Variants in CREB5 observed in about 807,000 individuals in gnomAD.
CREB5 encodes cAMP responsive element binding protein 5, also known as cyclic AMP-responsive element-binding protein 5.
A neutral mutation model predicts 57.1 loss-of-function variants in CREB5; 19 were observed. The observed-to-expected ratio is 0.33, with a 90% confidence interval of 0.23 to 0.49. The LOEUF (loss-of-function observed/expected upper bound fraction) is 0.49, where lower values mean the gene tolerates loss of function less well. Among genes scored for constraint, CREB5 ranks in the 20% least tolerant of loss-of-function variants. The pLI is 0.99. For synonymous variants in CREB5, 238 were observed against 238.3 expected (o/e 1.00, Z 0.01); for missense variants, 579 against 671.6 (o/e 0.86, Z 1.52).
At chr7:28,518,088 C>A (rs570087790) in intron 4 of CREB5, among the ~76,000 whole-genome samples, 1 of 152,134 alleles carries the variant, frequency 6.6e-6, no homozygotes, top group South Asian at 2.1e-4. Flanking sequence ...CTTCCCAGTC[C>A]TCTCTGTAAA....
At chr7:28,602,620 A>T (rs1347607996) in intron 5 of CREB5, among the ~76,000 whole-genome samples, 1 of 152,212 alleles carries the variant, frequency 6.6e-6, no homozygotes, top group African/African-American at 2.4e-5. Flanking sequence ...AAAAGATTAT[A>T]TGCTATATGA....
intron 3 of CREB5, among the ~76,000 whole-genome samples, chr7:28,501,553 T>C (rs534119663): frequency 5.4e-4 from 83 of 152,300 alleles, no homozygotes; most frequent in Non-Finnish European, 1.0e-3. Context: ...TGGAAACCAG[T>C]CCCCTTTGAC....
chr7:28,649,390 T>G (rs1450046405), intron 5 of CREB5, among the ~76,000 whole-genome samples: 1 of 152,232 alleles, frequency 6.6e-6, no homozygotes, highest in African/African-American at 2.4e-5. Context: ...TATCCACAAA[T>G]AAAGTTTTAT....
intron 5 of CREB5, among the ~76,000 whole-genome samples, chr7:28,679,543 T>G (rs1800488827): frequency 6.6e-6 from 1 of 152,164 alleles, no homozygotes; most frequent in Non-Finnish European, 1.5e-5. Flanking sequence ...CCGAGGGAAG[T>G]GGCCTTCTAC....
intron 1 of CREB5, among the ~76,000 whole-genome samples, chr7:28,321,003 C>T (rs895333325): frequency 4.6e-5 from 7 of 152,198 alleles, no homozygotes; most frequent in African/African-American, 1.7e-4. Flanking sequence ...CTGCCACTGA[C>T]TACCTGGGAA....
chr7:28,775,543 C>CAT (rs56224961), intron 7 of CREB5, among the ~76,000 whole-genome samples: 6,232 of 120,536 alleles, frequency 0.052, 342 homozygotes, highest in Non-Finnish European at 0.054. Flanking sequence ...ATTCCTTAGC[C>CAT]ATATATATAT....
intron 5 of CREB5, among the ~76,000 whole-genome samples, chr7:28,620,366 C>T (rs1295791651): frequency 1.3e-5 from 2 of 152,086 alleles, no homozygotes; most frequent in Admixed American, 6.5e-5. Flanking sequence ...GCCACTCATA[C>T]CTAGTGTCTC....
intron 1 of CREB5, among the ~76,000 whole-genome samples, chr7:28,385,975 T>G (rs978322053): frequency 6.6e-6 from 1 of 152,304 alleles, no homozygotes. Context: ...TATATGTATA[T>G]AAATAGACTT....
chr7:28,385,278 T>G (rs1245975684), intron 1 of CREB5, among the ~76,000 whole-genome samples: 1 of 152,172 alleles, frequency 6.6e-6, no homozygotes, highest in Non-Finnish European at 1.5e-5. Flanking sequence ...AAAAAAAGAA[T>G]CTTGCTCGTA....
At chr7:28,431,581 G>T (rs1788716045) in intron 1 of CREB5, among the ~76,000 whole-genome samples, 1 of 152,050 alleles carries the variant, frequency 6.6e-6, no homozygotes, top group Non-Finnish European at 1.5e-5. Flanking sequence ...AATATTGGAG[G>T]TAAACAAAGG....
In CREB5 at chr7:28,670,408, A is replaced by G. The variant is rs540817493; in HGVS notation, c.465-48345A>G. On this transcript the variant is annotated intron_variant, in intron 5 of 10. Transcript: ENST00000357727. Reference sequence around the variant, plus strand: ...AAGCTGTGAATAAGGCAGGGCTACTATATTTGAGCTCATTGCCTTTTAGTC... The same window carrying G: ...AAGCTGTGAATAAGGCAGGGCTACTGTATTTGAGCTCATTGCCTTTTAGTC... 1.5e-4 allele frequency among the ~76,000 whole-genome samples: 23 copies of G among 152,332 alleles called. No homozygotes were observed. The South Asian group carries it at 2.9e-3, about 19-fold the overall frequency.
intron 4 of CREB5, among the ~76,000 whole-genome samples, chr7:28,560,949 T>TGCGCGCGTGCGTGC (rs1210698880): frequency 2.9e-5 from 1 of 34,774 alleles, no homozygotes. Flanking sequence ...TGCGTGTGTG[T>TGCGCGCGTGCGTGC]GCGTGTGTGT....
Position 28,498,682 on chromosome 7 carries a change from A to T in CREB5, c.169+3683A>T, listed in dbSNP as rs1021209054. Among the ~76,000 whole-genome samples the T allele has an allele frequency of 2.4e-4, 36 of 152,278 alleles. 1 individual carries two copies. The highest frequency in any genetic ancestry group is 8.4e-4 in the African/African-American group (35 of 41,556). On this transcript the variant is annotated intron_variant, in intron 3 of 10. Transcript: ENST00000357727. ...AGAATAAGCCCTATCTTCTGGGTAG[A>T]CAGTAAACATAGACCCCTTATTCAA...
chr7:28,765,759 C>T (rs1041053274), intron 7 of CREB5, among the ~76,000 whole-genome samples: 4 of 152,186 alleles, frequency 2.6e-5, no homozygotes, highest in African/African-American at 9.6e-5. Flanking sequence ...GCAGTATTTA[C>T]GGTGGGCACA....
intron 7 of CREB5, among the ~76,000 whole-genome samples, chr7:28,760,014 C>T (rs1158100408): frequency 6.6e-6 from 1 of 152,192 alleles, no homozygotes; most frequent in Non-Finnish European, 1.5e-5. Flanking sequence ...GCCATGATGT[C>T]AGTTCTGATG....
chr7:28,301,028 CTG>C (rs1357562240), intron 1 of CREB5, among the ~76,000 whole-genome samples: 6 of 152,134 alleles, frequency 3.9e-5, no homozygotes, highest in African/African-American at 1.2e-4. Flanking sequence ...GCTCTAGAGA[CTG>C]TGATTTAATT....
chr7:28,437,486 A>G (rs1404883616), intron 1 of CREB5, among the ~76,000 whole-genome samples: 1 of 152,144 alleles, frequency 6.6e-6, no homozygotes, highest in Non-Finnish European at 1.5e-5. Context: ...TTAGTTCCAT[A>G]GATCTTCCTT....
intron 1 of CREB5, among the ~76,000 whole-genome samples, chr7:28,469,108 C>A (rs1286008778): frequency 6.6e-6 from 1 of 152,214 alleles, no homozygotes; most frequent in East Asian, 1.9e-4. Flanking sequence ...GTAGTCCCAA[C>A]TACTCAGGAG....
chr7:28,445,594 C>T (rs1387892884), intron 1 of CREB5, among the ~76,000 whole-genome samples: 2 of 151,848 alleles, frequency 1.3e-5, no homozygotes, highest in Non-Finnish European at 2.9e-5. Context: ...CTCTGTTGCC[C>T]AGGCTGGAGT....
Sources: gnomAD v4.1 joint callset for allele counts (sites outside exome capture counted in the v4.1 genomes callset) on GRCh38, gnomAD v4.1.1 for gene constraint, MANE v1.5 for transcripts, NCBI Gene and HGNC (gene_info 2026-07-23, HGNC 2026-07-21) for gene names.